The following TRPM3 variants were observed in gnomAD, a reference collection of about 807,000 sequenced individuals.
TRPM3 encodes transient receptor potential cation channel subfamily M member 3, also known as long transient receptor potential channel 3.
Under a neutral mutation model 181.2 loss-of-function variants are expected in TRPM3, and 77 were observed. The ratio of observed to expected loss-of-function variants is 0.42; its 90% confidence interval spans 0.35 to 0.51. The LOEUF (loss-of-function observed/expected upper bound fraction) is 0.51. Ranked by LOEUF, TRPM3 falls within the 20% of genes least tolerant of loss-of-function variation. The probability of loss-of-function intolerance (pLI) is 0.01; values close to 1 mark genes in which losing one functional copy is unlikely to be tolerated. For missense variants in TRPM3, 1,759 were observed against 2,196.7 expected (o/e 0.80, Z 3.98); for synonymous variants, 745 against 796.4 (o/e 0.94, Z 1.09).
intron 12 of TRPM3, among the ~76,000 whole-genome samples, chr9:70,628,318 GC>G (rs2065042371): frequency 6.6e-6 from 1 of 152,178 alleles, no homozygotes; most frequent in Admixed American, 6.5e-5. Flanking sequence ...CCAGTCAGCT[GC>G]CCCGGGCTTC....
At chr9:71,323,457 T>C (rs1163264300) in intron 1 of TRPM3, among the ~76,000 whole-genome samples, 3 of 152,094 alleles carry the variant, frequency 2.0e-5, no homozygotes, top group Non-Finnish European at 4.4e-5. Flanking sequence ...AATGAGAAAA[T>C]TGATCTGAAT....
intron 1 of TRPM3, among the ~76,000 whole-genome samples, chr9:71,368,473 G>A (rs2092409693): frequency 6.6e-6 from 1 of 152,094 alleles, no homozygotes. Context: ...CAAGGGAATA[G>A]AACAGTGCCT....
Position 70,553,038 on chromosome 9 carries a change from G to A in TRPM3, c.3380C>T (p.Thr1127Ile), listed in dbSNP as rs1425498158. ...VNLLIAVFNN[T>I]FFEVKSISNQ... ...GGATATCGATTTTACTTCAAAAAAT[G>A]TATTGCTAAAATAGAGACCAAAGAG... The change falls in exon 24 of 26, where the codon ACA becomes ATA. Residue 1127 changes from threonine to isoleucine, a missense_variant. By Grantham distance (89) the Thr-to-Ile change is moderately conservative. Coordinates refer to ENST00000677713, the MANE Select transcript of TRPM3 (RefSeq NM_001366145.2). 1.2e-6 allele frequency: 2 copies of A among 1,614,072 alleles called. No homozygotes were observed. The highest frequency in any genetic ancestry group is 1.1e-5 in the South Asian group (1 of 91,086).
intron 1 of TRPM3, among the ~76,000 whole-genome samples, chr9:71,111,803 G>A (rs1219893054): frequency 6.6e-6 from 1 of 152,156 alleles, no homozygotes; most frequent in East Asian, 1.9e-4. Context: ...TTATCACAGA[G>A]ATTATGCCAG....
At chr9:70,655,305 C>CAAAAAAAAAAAAAAAAAAAAAAAAAAAA (rs1169901529) in intron 9 of TRPM3, among the ~76,000 whole-genome samples, 2 of 33,186 alleles carry the variant, frequency 6.0e-5, no homozygotes, top group African/African-American at 9.3e-5. Flanking sequence ...GACTCCGTCT[C>CAAAAAAAAAAAAAAAAAAAAAAAAAAAA]AAAAAAAAAA....
chr9:70,894,146 T>C (rs551284974), intron 1 of TRPM3, among the ~76,000 whole-genome samples: 1 of 152,334 alleles, frequency 6.6e-6, no homozygotes, highest in African/African-American at 2.4e-5. Context: ...GTGCTCCTTG[T>C]TGAGCTACAA....
At chr9:71,137,820 T>C (rs2074858805) in intron 1 of TRPM3, among the ~76,000 whole-genome samples, 1 of 152,156 alleles carries the variant, frequency 6.6e-6, no homozygotes, top group African/African-American at 2.4e-5. Context: ...AAGGTAAGTT[T>C]TGCAATTAAA....
At chr9:71,342,546 T>C (rs2091030955) in intron 1 of TRPM3, among the ~76,000 whole-genome samples, 1 of 151,866 alleles carries the variant, frequency 6.6e-6, no homozygotes, top group South Asian at 2.1e-4. Flanking sequence ...GTGAAAAATG[T>C]GAAGAGAAAA....
rs149067881 is a variant in TRPM3 at position 70,537,080 on chromosome 9, G to A, written c.4033C>T (p.Arg1345Cys). The part of the protein sequence containing the change: ...MSPTSPTLMP[R>C]MRSHSFYSVN... Reference sequence around the variant, plus strand: ...GAATAGAAAGAATGGCTTCGCATACGGGGCATTAAGGTTGGAGAAGTTGGG... The same window carrying A: ...GAATAGAAAGAATGGCTTCGCATACAGGGCATTAAGGTTGGAGAAGTTGGG... The change falls in exon 26 of 26, where the codon CGT becomes TGT. Residue 1345 changes from arginine to cysteine, a missense_variant. Physicochemically the swap from Arg to Cys is radical, Grantham distance 180 (BLOSUM62 -3). Transcript: ENST00000677713. 5.6e-4 allele frequency: 902 copies of A among 1,611,018 alleles called. 2 individuals carry two copies. The highest frequency in any genetic ancestry group is 6.9e-4 in the Non-Finnish European group (815 of 1,177,376).
chr9:71,013,265 T>C (rs2097759920), intron 1 of TRPM3, among the ~76,000 whole-genome samples: 1 of 152,118 alleles, frequency 6.6e-6, no homozygotes, highest in African/African-American at 2.4e-5. Context: ...GATTTCCTGT[T>C]ACTGAAACAT....
At chr9:70,559,847 C>T (rs1021754019) in intron 22 of TRPM3, among the ~76,000 whole-genome samples, 64 of 152,128 alleles carry the variant, frequency 4.2e-4, no homozygotes, top group African/African-American at 1.4e-3. Context: ...AATAGGACAT[C>T]CTACTTATTT....
chr9:70,629,427 C>T (rs900098046), intron 12 of TRPM3, among the ~76,000 whole-genome samples: 1 of 151,980 alleles, frequency 6.6e-6, no homozygotes, highest in Non-Finnish European at 1.5e-5. Context: ...CCTCCGCCTC[C>T]CGGGTTCAAG....
intron 1 of TRPM3, among the ~76,000 whole-genome samples, chr9:71,404,839 C>A (rs545228572): frequency 6.6e-6 from 1 of 152,284 alleles, no homozygotes; most frequent in Non-Finnish European, 1.5e-5. Flanking sequence ...ACCTCTACAG[C>A]TTTGCACAAG....
intron 1 of TRPM3, among the ~76,000 whole-genome samples, chr9:70,926,679 T>G (rs1272849524): frequency 6.6e-6 from 1 of 152,232 alleles, no homozygotes; most frequent in Admixed American, 6.5e-5. Flanking sequence ...AACCTATTGT[T>G]TTTAAGCAGG....
In TRPM3 at chr9:71,407,716, G is replaced by A. The variant is rs555818208; in HGVS notation, c.183+38937C>T. Among the ~76,000 whole-genome samples, 305 of 152,314 alleles carry A rather than the reference G, an allele frequency of 2.0e-3. 1 individual carries two copies. Among genetic ancestry groups the A allele is most frequent in the African/African-American group, 7.1e-3 (294 of 41,582 alleles). On this transcript the variant is annotated intron_variant, in intron 1 of 24. Coordinates refer to the TRPM3 transcript ENST00000357533. ...AAACGTCCCTGTCTGACATGTTTAA[G>A]AGAGCAGTGGTTCTCCCAGCATGGT...
At position 70,595,517 on chromosome 9, in the gene TRPM3, A is replaced by T. The variant is rs116521147; in HGVS notation, c.3048+2902T>A. 9.9e-3 allele frequency among the ~76,000 whole-genome samples: 1,503 copies of T among 152,326 alleles called. 24 individuals are homozygous for T. The highest frequency in any genetic ancestry group is 0.034 in the African/African-American group (1,432 of 41,550). On this transcript the variant is annotated intron_variant, in intron 21 of 25. Coordinates refer to ENST00000677713, the MANE Select transcript of TRPM3 (RefSeq NM_001366145.2). Reference sequence around the variant, plus strand: ...CCTAAAATAAGGAATTATACAGCCCACGATATCAGCAGTGTCAAGGTTGAG... The same window carrying T: ...CCTAAAATAAGGAATTATACAGCCCTCGATATCAGCAGTGTCAAGGTTGAG...
intron 1 of TRPM3, among the ~76,000 whole-genome samples, chr9:71,105,973 A>G (rs2069444007): frequency 6.6e-6 from 1 of 152,130 alleles, no homozygotes; most frequent in Non-Finnish European, 1.5e-5. Context: ...TTTAAATATT[A>G]TTGAGCTTAC....
chr9:71,411,989 AAATGGG>A, intron 1 of TRPM3, among the ~76,000 whole-genome samples: 1 of 152,132 alleles, frequency 6.6e-6, no homozygotes, highest in East Asian at 1.9e-4. Flanking sequence ...TGAAAACAAG[AAATGGG>A]GAAAGGATTA....
At chr9:71,071,038 C>T (rs1241137247) in intron 1 of TRPM3, among the ~76,000 whole-genome samples, 1 of 152,164 alleles carries the variant, frequency 6.6e-6, no homozygotes, top group Non-Finnish European at 1.5e-5. Context: ...GACCTTCAAT[C>T]TAGTGGACAG....
Sources: gnomAD v4.1 joint callset for allele counts (sites outside exome capture counted in the v4.1 genomes callset) on GRCh38, gnomAD v4.1.1 for gene constraint, MANE v1.5 for transcripts, NCBI Gene and HGNC (gene_info 2026-07-23, HGNC 2026-07-21) for gene names.